Variants in CHN2 observed in about 807,000 individuals in gnomAD.
The protein encoded by CHN2 is beta-chimaerin.
A neutral mutation model predicts 56.3 loss-of-function variants in CHN2; 35 were observed. The ratio of observed to expected loss-of-function variants is 0.62; its 90% CI spans 0.47 to 0.82. The LOEUF (loss-of-function observed/expected upper bound fraction) is 0.82, where lower values mean the gene tolerates loss of function less well. Among genes scored for constraint, CHN2 ranks in the 40% least tolerant of loss-of-function variants. The probability of loss-of-function intolerance (pLI) is 0.00; values close to 1 mark genes in which losing one functional copy is unlikely to be tolerated. For missense variants in CHN2, 491 were observed against 580.5 expected (o/e 0.85, Z 1.58); for synonymous variants, 210 against 212.8 (o/e 0.99, Z 0.12).
chr7:29,480,296 A>T lies in CHN2; in HGVS notation c.594A>T (p.Arg198=). 1.9e-6 allele frequency: 3 copies of T among 1,614,168 alleles called. No individual in the cohort carries two copies. Among genetic ancestry groups the T allele is most frequent in the Non-Finnish European group, 2.5e-6 (3 of 1,180,040 alleles). ...TAVEKISSLV[R]RAALTHNDNH... ...GTTCACAGATCTCCTCCCTGGTTCG[A>T]AGGGCTGCCCTCACACACAACGACA... is the stretch of plus-strand genomic sequence containing the variant. Residue 198 remains arginine (R), a synonymous_variant, in exon 7 of 13, where the codon CGA becomes CGT. Transcript: ENST00000222792.
In CHN2 at chr7:29,406,837, G is replaced by T. The variant is rs372232592; in HGVS notation, c.576+6009G>T. 1.4e-3 allele frequency among the ~76,000 whole-genome samples: 212 copies of T among 152,272 alleles called. 1 individual carries two copies. In the South Asian group the frequency reaches 0.021, roughly 15 times the overall value. On this transcript the variant is annotated intron_variant, in intron 6 of 12. Coordinates refer to ENST00000222792, the MANE Select transcript of CHN2 (RefSeq NM_004067.4). Reference sequence around the variant, plus strand: ...GTTTCTATGTCTGTCTCTTTCCCCAGAGGTGGATCAGTGGGAGGCAGAGGC... The same window carrying T: ...GTTTCTATGTCTGTCTCTTTCCCCATAGGTGGATCAGTGGGAGGCAGAGGC...
chr7:29,360,169 A>G (rs984684533), intron 2 of CHN2, among the ~76,000 whole-genome samples: 3 of 152,232 alleles, frequency 2.0e-5, no homozygotes, highest in African/African-American at 7.2e-5. Context: ...GGCAACTGTC[A>G]TCTCCTCCTA....
At chr7:29,183,700 G>A (rs1231762053) in intron 2 of CHN2, among the ~76,000 whole-genome samples, 1 of 151,986 alleles carries the variant, frequency 6.6e-6, no homozygotes, top group African/African-American at 2.4e-5. Flanking sequence ...GTGCTGAATT[G>A]GTGGCATTCT....
intron 1 of CHN2, among the ~76,000 whole-genome samples, chr7:29,352,350 C>CGTGTGTGTGTGTGTGTGT (rs60859228): frequency 1.3e-4 from 19 of 149,976 alleles, no homozygotes; most frequent in African/African-American, 4.2e-4. Context: ...TGCAGTCTGT[C>CGTGTGTGTGTGTGTGTGT]GTGTGTGTGT....
chr7:29,334,592 A>G (rs903035046), intron 1 of CHN2: 4 of 152,188 alleles, frequency 2.6e-5, no homozygotes, highest in African/African-American at 7.2e-5. Context: ...CCATCTCTAC[A>G]AAGAGTTCTA....
At chr7:29,442,934 C>CTTTTTTTTTTTCTTTTTTTTTTT (rs564931650) in intron 6 of CHN2, among the ~76,000 whole-genome samples, 3 of 103,068 alleles carry the variant, frequency 2.9e-5, no homozygotes, top group East Asian at 5.6e-4. Flanking sequence ...CATTGAATTT[C>CTTTTTTTTTTTCTTTTTTTTTTT]TTTTTTTTTT....
chr7:29,449,938 A>G (rs1439643727), intron 6 of CHN2, among the ~76,000 whole-genome samples: 4 of 152,210 alleles, frequency 2.6e-5, no homozygotes, highest in Non-Finnish European at 5.9e-5. Flanking sequence ...CTCTATTTCC[A>G]GAGAAAACGA....
At chr7:29,192,117 A>T (rs964984558), upstream of CHN2, 1 of 152,224 alleles carries the variant, frequency 6.6e-6, no homozygotes, top group Non-Finnish European at 1.5e-5. Context: ...GTTATAGCTC[A>T]TATCACACCG....
At chr7:29,194,639 C>A (rs562031075), upstream of CHN2, 1 of 309,708 alleles carries the variant, frequency 3.2e-6, no homozygotes, top group Non-Finnish European at 5.8e-6. Flanking sequence ...CGGCGGGAGC[C>A]GAGATCCGCC....
At chr7:29,160,185 T>C (rs1038703040) in intron 2 of CHN2, among the ~76,000 whole-genome samples, 15 of 152,226 alleles carry the variant, frequency 9.9e-5, no homozygotes, top group African/African-American at 3.6e-4. Flanking sequence ...TTTGCTACTT[T>C]CTAGAGTCAG....
chr7:29,470,931 A>G (rs909524172), intron 6 of CHN2, among the ~76,000 whole-genome samples: 7 of 152,250 alleles, frequency 4.6e-5, no homozygotes, highest in African/African-American at 1.7e-4. Context: ...GAAAATACAG[A>G]GAAAAGCAAA....
intron 1 of CHN2, among the ~76,000 whole-genome samples, chr7:29,226,235 T>G (rs1461680882): frequency 6.6e-6 from 1 of 152,248 alleles, no homozygotes; most frequent in Non-Finnish European, 1.5e-5. Context: ...CAGAAATCTA[T>G]TATTATGAGC....
intron 3 of CHN2, among the ~76,000 whole-genome samples, chr7:29,374,842 T>TTCCTTCCA (rs1158399761): frequency 6.6e-6 from 1 of 150,998 alleles, no homozygotes; most frequent in East Asian, 1.9e-4. Flanking sequence ...CCTTCCTTCC[T>TTCCTTCCA]TCCTTCCTGC....
intron 1 of CHN2, among the ~76,000 whole-genome samples, chr7:29,195,807 G>GA (rs1161195669): frequency 2.0e-5 from 3 of 152,040 alleles, no homozygotes; most frequent in Non-Finnish European, 4.4e-5. Flanking sequence ...TAATTGAAGA[G>GA]AAAAAAATTG....
intron 2 of CHN2, among the ~76,000 whole-genome samples, chr7:29,174,874 A>T (rs1797075938): frequency 6.6e-6 from 1 of 152,140 alleles, no homozygotes; most frequent in Non-Finnish European, 1.5e-5. Context: ...AAAAAAAAAA[A>T]AAGAATTTTT....
intron 9 of CHN2, among the ~76,000 whole-genome samples, chr7:29,503,190 CT>C (rs2128583322): frequency 6.6e-6 from 1 of 152,184 alleles, no homozygotes; most frequent in African/African-American, 2.4e-5. Context: ...GGGAGGGACC[CT>C]AAACATTATG....
intron 4 of CHN2, chr7:29,397,812 G>C (rs2128081303): frequency 6.6e-6 from 1 of 152,352 alleles, no homozygotes; most frequent in African/African-American, 2.4e-5. Context: ...CTTTAAAAAA[G>C]AAAAATAGGT....
chr7:29,421,787 G>C (rs1038255229), intron 6 of CHN2, among the ~76,000 whole-genome samples: 2 of 152,180 alleles, frequency 1.3e-5, no homozygotes, highest in African/African-American at 4.8e-5. Context: ...CCGATGGTTT[G>C]TATGAGAGCA....
intron 6 of CHN2, among the ~76,000 whole-genome samples, chr7:29,463,601 C>G (rs1785337879): frequency 6.6e-6 from 1 of 152,148 alleles, no homozygotes; most frequent in South Asian, 2.1e-4. Context: ...GAGATGGTTT[C>G]TTATCCATCA....
Sources: allele counts gnomAD v4.1 joint callset (sites outside exome capture counted in the v4.1 genomes callset), GRCh38; gene constraint gnomAD v4.1.1; transcripts MANE v1.5; gene names NCBI Gene and HGNC (gene_info 2026-07-23, HGNC 2026-07-21).